Variants in ZNF469 observed in about 807,000 individuals in gnomAD.
ZNF469 encodes zinc finger protein 469.
A neutral mutation model predicts 1.0 loss-of-function variants in ZNF469; 1 was observed. That is an observed-to-expected ratio of 1.00 (90% confidence interval 0.35 to 4.73). ZNF469 has a LOEUF of 4.73. Ranked by LOEUF, ZNF469 falls within the 30% of genes most tolerant of loss-of-function variation. The pLI, the probability that ZNF469 is intolerant of heterozygous loss-of-function variation, is 0.16. For synonymous variants in ZNF469, 2,703 were observed against 2,363.4 expected (o/e 1.14, Z -4.17); for missense variants, 6,100 against 5,356.3 (o/e 1.14, Z -4.33).
chr16:88,211,710 T>C, the ZNF469 span, among the ~76,000 whole-genome samples: 1 of 152,220 alleles, frequency 6.6e-6, no homozygotes, highest in South Asian at 2.1e-4. Context: ...TTTTTATCTT[T>C]TTCTGGATTT....
chr16:88,356,606 G>A, the ZNF469 span, among the ~76,000 whole-genome samples: 1 of 152,144 alleles, frequency 6.6e-6, no homozygotes, highest in Non-Finnish European at 1.5e-5. Flanking sequence ...ATCACCATCT[G>A]CCAGCTCCCA....
the ZNF469 span, among the ~76,000 whole-genome samples, chr16:88,157,179 C>T: frequency 7.9e-5 from 12 of 151,856 alleles, 1 homozygote; most frequent in Middle Eastern, 6.8e-3. Context: ...GAGGGACATG[C>T]GCTTGTTGCT....
intron 1 of ZNF469, among the ~76,000 whole-genome samples, chr16:88,396,482 G>C (rs1050890438): frequency 6.6e-6 from 1 of 151,504 alleles, no homozygotes; most frequent in Non-Finnish European, 1.5e-5. Context: ...CCTGAAGGGA[G>C]GCCGGGAGGA....
At chr16:88,162,677 C>CCT in the ZNF469 span, among the ~76,000 whole-genome samples, 2 of 151,162 alleles carry the variant, frequency 1.3e-5, no homozygotes, top group African/African-American at 4.8e-5. Flanking sequence ...AGTGCCCCCC[C>CCT]CCTTTTATTC....
the ZNF469 span, among the ~76,000 whole-genome samples, chr16:88,331,232 CACCACCAT>C: frequency 7.9e-6 from 1 of 127,112 alleles, no homozygotes; most frequent in East Asian, 2.0e-4. Flanking sequence ...CCACCACCAT[CACCACCAT>C]CACCATCGTC....
chr16:88,116,005 C>A, the ZNF469 span, among the ~76,000 whole-genome samples: 1 of 152,170 alleles, frequency 6.6e-6, no homozygotes, highest in African/African-American at 2.4e-5. Context: ...GAAAAGTGTG[C>A]GCTCTGGGAA....
At chr16:88,207,867 A>C in the ZNF469 span, among the ~76,000 whole-genome samples, 1 of 151,908 alleles carries the variant, frequency 6.6e-6, no homozygotes. Context: ...TCTCGATCCC[A>C]TCTGCAAAGT....
chr16:88,430,474 C>T lies in ZNF469; in HGVS notation c.3004C>T (p.Pro1002Ser), dbSNP rs1259899592. The T allele has an allele frequency of 3.5e-6, 5 of 1,446,908 alleles. No individual in the cohort carries two copies. The highest frequency in any genetic ancestry group is 3.0e-5 in the African/African-American group (2 of 67,104). 89.6% of individuals were successfully genotyped at this position (1,446,908 alleles called of 1,614,324 possible). A position where few individuals can be genotyped will look rare whatever the true frequency, so the allele number is the denominator to read the frequency against. Residue 1002 changes from proline (P) to serine (S), a missense_variant, in exon 3 of 3, where the codon CCC becomes TCC. Pro to Ser is a moderately conservative substitution (Grantham distance 74). Transcript: ENST00000565624. ...PRPRRPRTQA[P>S]GSRADPAPRV... is the part of the protein sequence containing the mutation. ...TCCCCGGCGCCCTAGAACGCAGGCC[C>T]CCGGGAGCCGCGCAGACCCCGCGCC...
chr16:88,113,785 G>T, the ZNF469 span, among the ~76,000 whole-genome samples: 1 of 152,200 alleles, frequency 6.6e-6, no homozygotes, highest in African/African-American at 2.4e-5. Context: ...CGGCTGGTTT[G>T]ACACCCCCCG....
chr16:88,317,907 G>A, the ZNF469 span, among the ~76,000 whole-genome samples: 1 of 152,234 alleles, frequency 6.6e-6, no homozygotes, highest in Non-Finnish European at 1.5e-5. Flanking sequence ...TTCTCCCTGG[G>A]ACAGGGGTGA....
the ZNF469 span, among the ~76,000 whole-genome samples, chr16:88,231,355 C>T: frequency 1.3e-5 from 2 of 152,208 alleles, no homozygotes; most frequent in East Asian, 3.9e-4. The surrounding 1 kb of genome is among the most constrained non-coding windows in gnomAD (Gnocchi z 4.5). Context: ...GAAGCCCCAT[C>T]GCCCTAAGCC....
At position 88,418,416 on chromosome 16, in the gene ZNF469, A is replaced by T. The variant is rs1205382211; in HGVS notation, c.-191-6391A>T. On this transcript the variant is annotated intron_variant, in intron 1 of 2. Coordinates refer to ENST00000565624, the MANE Select transcript of ZNF469 (RefSeq NM_001367624.2). ...GTCCTTCTGGGTAATGACCCCCTGA[A>T]TATTGGCCTTTGTGGCACAGAGGGG... is the stretch of plus-strand genomic sequence containing the variant. Among the ~76,000 whole-genome samples the T allele has an allele frequency of 2.0e-5, 3 of 152,198 alleles. No individual in the cohort carries two copies. The East Asian group carries it at 5.8e-4, about 30-fold the overall frequency.
chr16:88,269,146 C>A, the ZNF469 span, among the ~76,000 whole-genome samples: 32 of 151,404 alleles, frequency 2.1e-4, no homozygotes, highest in African/African-American at 7.1e-4. Flanking sequence ...GGGGCAGGCA[C>A]GGCAGGCGGG....
upstream of ZNF469, among the ~76,000 whole-genome samples, chr16:88,380,506 CAG>C (rs2092519101): frequency 4.4e-5 from 6 of 137,042 alleles, no homozygotes; most frequent in South Asian, 2.5e-4. Context: ...TGCACTCACA[CAG>C]ACATGCACAC....
At chr16:88,167,147 C>T in the ZNF469 span, among the ~76,000 whole-genome samples, 6 of 150,598 alleles carry the variant, frequency 4.0e-5, no homozygotes, top group South Asian at 2.1e-4. Flanking sequence ...CTGTAACCTC[C>T]GCCTCCCGGG....
chr16:88,129,301 G>C, the ZNF469 span, among the ~76,000 whole-genome samples: 1 of 152,178 alleles, frequency 6.6e-6, no homozygotes, highest in Non-Finnish European at 1.5e-5. Context: ...GAGCCATCAC[G>C]GCAGCCTCTC....
the ZNF469 span, among the ~76,000 whole-genome samples, chr16:88,223,541 G>C: frequency 1.3e-5 from 2 of 152,208 alleles, no homozygotes; most frequent in South Asian, 4.1e-4. Flanking sequence ...GTTAGAGACG[G>C]AGCAGAAAGG....
At chr16:88,357,941 G>A in the ZNF469 span, among the ~76,000 whole-genome samples, 9 of 152,344 alleles carry the variant, frequency 5.9e-5, no homozygotes, top group East Asian at 1.9e-4. Flanking sequence ...TTCCACACCC[G>A]CAGTACAGAT....
the ZNF469 span, among the ~76,000 whole-genome samples, chr16:88,188,373 G>A: frequency 6.7e-6 from 1 of 150,098 alleles, no homozygotes; most frequent in Non-Finnish European, 1.5e-5. Context: ...TAGACCTGGG[G>A]TGTCGTACTG....
Sources: gnomAD v4.1 joint callset for allele counts (sites outside exome capture counted in the v4.1 genomes callset) on GRCh38, gnomAD v4.1.1 for gene constraint, Gnocchi (gnomAD v3.1) non-coding constraint, MANE v1.5 for transcripts, NCBI Gene and HGNC (gene_info 2026-07-23, HGNC 2026-07-21) for gene names.